Variants in RAD18 observed in about 807,000 individuals in gnomAD.
The protein encoded by RAD18 is RAD18 E3 ubiquitin protein ligase.
Under a neutral mutation model 60.4 loss-of-function variants are expected in RAD18, and 47 were observed. The ratio of observed to expected loss-of-function variants is 0.78; its 90% confidence interval spans 0.62 to 0.99. The LOEUF is 0.99. Among genes scored for constraint, RAD18 ranks in the 50% least tolerant of loss-of-function variants. The pLI is 0.00. For synonymous variants in RAD18, 225 were observed against 195.5 expected (o/e 1.15, Z -1.26); for missense variants, 640 against 593.3 (o/e 1.08, Z -0.82).
intron 7 of RAD18, among the ~76,000 whole-genome samples, chr3:8,916,614 T>TG (rs1354114614): frequency 6.6e-6 from 1 of 152,096 alleles, no homozygotes; most frequent in African/African-American, 2.4e-5. Context: ...CATGAACAGA[T>TG]GGGGCATTTC....
In RAD18 at chr3:8,922,612, T is replaced by A. The variant is rs1000146408; in HGVS notation, c.890-8892A>T. Among the ~76,000 whole-genome samples the A allele has an allele frequency of 2.0e-4, 31 of 152,204 alleles. 1 individual carries two copies. Among genetic ancestry groups the A allele is most frequent in the African/African-American group, 7.5e-4 (31 of 41,460 alleles). On this transcript the variant is annotated intron_variant, in intron 7 of 12. Coordinates refer to ENST00000264926, the MANE Select transcript of RAD18 (RefSeq NM_020165.4). ...GCTTTAGATCTGAGAATGGACAGAC[T>A]GCCTCTTCAAGTGGGTCCCTGAACC... is the stretch of plus-strand genomic sequence containing the variant.
intron 9 of RAD18, among the ~76,000 whole-genome samples, chr3:8,907,201 G>A (rs999723873): frequency 4.6e-5 from 7 of 152,158 alleles, no homozygotes; most frequent in Admixed American, 1.3e-4. Context: ...AAGGCTCATC[G>A]CATTTTTTGC....
intron 4 of RAD18, among the ~76,000 whole-genome samples, chr3:8,943,038 A>G (rs1940780463): frequency 1.3e-5 from 2 of 152,216 alleles, no homozygotes; most frequent in African/African-American, 4.8e-5. Flanking sequence ...ACAAAGCTCA[A>G]ACAGACCTAA....
intron 2 of RAD18, among the ~76,000 whole-genome samples, chr3:8,953,035 G>A (rs1279683304): frequency 3.3e-5 from 5 of 151,922 alleles, no homozygotes; most frequent in East Asian, 3.9e-4. Flanking sequence ...AATGTGTATC[G>A]CTTTCACACC....
At chr3:8,946,162 T>C (rs1255176804) in intron 4 of RAD18, among the ~76,000 whole-genome samples, 1 of 152,192 alleles carries the variant, frequency 6.6e-6, no homozygotes, top group Non-Finnish European at 1.5e-5. Context: ...TATAAAGATG[T>C]ACCATTTTTT....
Position 8,913,693 on chromosome 3 carries a change from T to C in RAD18, c.917A>G (p.Asn306Ser). 1.3e-6 allele frequency: 2 copies of C among 1,579,584 alleles called. No homozygotes were observed. The highest frequency in any genetic ancestry group is 8.6e-7 in the Non-Finnish European group (1 of 1,160,892). Residue 306 changes from asparagine (N) to serine (S), a missense_variant, in exon 8 of 13, where the codon AAT (asparagine) becomes AGT (serine). Coordinates refer to ENST00000264926, the MANE Select transcript of RAD18 (RefSeq NM_020165.4). ...SAAEIVREIE[N>S]IEKTRMRLEA... Reference sequence around the variant, plus strand: ...AAGACGCATCCTAGTCTTCTCTATATTTTCGATTTCTCGAACTATTTCAGC... The same window carrying C: ...AAGACGCATCCTAGTCTTCTCTATACTTTCGATTTCTCGAACTATTTCAGC...
rs771268503 is a variant in RAD18 at position 8,881,406 on chromosome 3, G to A, written c.1439C>T (p.Ala480Val). Residue 480 changes from alanine to valine, a missense_variant, in exon 13 of 13, where the codon GCC becomes GTC. Ala to Val is a moderately conservative substitution (Grantham distance 64, BLOSUM62 0). Transcript: ENST00000264926. Reference protein sequence around the residue: ...ISPRQNRRTRAAESAEIEPRN... With the variant: ...ISPRQNRRTRVAESAEIEPRN... ...TGGTTCAATCTCAGCACTTTCAGCGGCTCTTGTGCGGCGATTCTGTCTTGG... is the reference window on the plus strand; with the variant it reads ...TGGTTCAATCTCAGCACTTTCAGCGACTCTTGTGCGGCGATTCTGTCTTGG... 6.2e-7 allele frequency: 1 copy of A among 1,613,348 alleles called. No individual in the cohort carries two copies. Among genetic ancestry groups the A allele is most frequent in the Non-Finnish European group, 8.5e-7 (1 of 1,179,330 alleles).
At chr3:8,963,276 A>C (rs981472256) in intron 1 of RAD18, 59 bp downstream of exon 1, 28 of 1,518,284 alleles carry the variant, frequency 1.8e-5, no homozygotes, top group Non-Finnish European at 3.6e-6. Context: ...ATCCTCCTCA[A>C]AGGGAGGGAC....
In RAD18 at chr3:8,915,074, G is replaced by A. The variant is rs192515425; in HGVS notation, c.890-1354C>T. 2.9e-3 allele frequency among the ~76,000 whole-genome samples: 432 copies of A among 151,376 alleles called. 1 individual carries two copies. Among genetic ancestry groups the A allele is most frequent in the East Asian group, 0.017 (87 of 5,142 alleles). On this transcript the variant is annotated intron_variant, in intron 7 of 12. Coordinates refer to ENST00000264926, the MANE Select transcript of RAD18 (RefSeq NM_020165.4). The stretch of plus-strand genomic sequence containing the variant: ...TGAGGCAGGAGAATGGCGTGAACCC[G>A]GGAGGCGGAGCTTGCAGTGAACTGA...
At chr3:8,936,308 G>A (rs1269793290) in intron 6 of RAD18, among the ~76,000 whole-genome samples, 1 of 152,188 alleles carries the variant, frequency 6.6e-6, no homozygotes, top group African/African-American at 2.4e-5. Context: ...GTCTCAAAAA[G>A]AGGTCAGACC....
Position 8,941,682 on chromosome 3 carries a change from C to T in RAD18, c.389G>A (p.Ser130Asn), listed in dbSNP as rs1940750224. The T allele has an allele frequency of 1.2e-6, 2 of 1,614,152 alleles. No individual in the cohort carries two copies. Among genetic ancestry groups the T allele is most frequent in the East Asian group, 4.5e-5 (2 of 44,884 alleles). Residue 130 changes from serine to asparagine, a missense_variant, in exon 5 of 13, where the codon AGC becomes AAC. Coordinates refer to ENST00000264926, the MANE Select transcript of RAD18 (RefSeq NM_020165.4). ...VASRQSLKQG[S>N]RLMDNFLIRE... ...GATCAAGAAATTATCCATTAACCTG[C>T]TCCCCTGCTTTAAAGACTGTCTGGA...
intron 12 of RAD18, 193 bp downstream of exon 12, chr3:8,890,196 T>C (rs45525742): frequency 0.015 from 8,352 of 573,526 alleles, 554 homozygotes; most frequent in African/African-American, 0.14. Context: ...TAACTACAGT[T>C]ATTACATAGG....
intron 7 of RAD18, among the ~76,000 whole-genome samples, chr3:8,915,506 G>C (rs1393282477): frequency 6.6e-6 from 1 of 152,002 alleles, no homozygotes; most frequent in Non-Finnish European, 1.5e-5. Context: ...AAAAGACCAA[G>C]GGTGAGCTAC....
At chr3:8,937,127 A>G (rs1940666994) in intron 6 of RAD18, among the ~76,000 whole-genome samples, 1 of 152,222 alleles carries the variant, frequency 6.6e-6, no homozygotes, top group African/African-American at 2.4e-5. Flanking sequence ...ATGACAACCC[A>G]TCTGACTCTA....
At chr3:8,948,632 C>G in intron 2 of RAD18, 62 bp from the exon 3 acceptor site, 1 of 1,389,294 alleles carries the variant, frequency 7.2e-7, no homozygotes, top group African/African-American at 1.4e-5. Context: ...AGGAATATGA[C>G]TTCTAACAAA....
In RAD18 at chr3:8,908,200, T is replaced by C. The variant is rs185349728; in HGVS notation, c.1027+4112A>G. ...CTGAATTGAGGTAGACATAGAGTGA[T>C]TAAAGGAACCCATTTCCAGAGAGCA... On this transcript the variant is annotated intron_variant, in intron 9 of 12. Transcript: ENST00000264926. 1.2e-4 allele frequency among the ~76,000 whole-genome samples: 19 copies of C among 152,166 alleles called. No individual in the cohort carries two copies. The East Asian group carries it at 3.1e-3, about 25-fold the overall frequency.
chr3:8,953,456 A>G (rs1295401622), intron 2 of RAD18, among the ~76,000 whole-genome samples: 2 of 152,290 alleles, frequency 1.3e-5, no homozygotes, highest in East Asian at 3.9e-4. Context: ...TCACTCTACT[A>G]GACTACTACC....
At chr3:8,958,820 A>G in intron 2 of RAD18, 100 bp downstream of exon 2, 1 of 916,536 alleles carries the variant, frequency 1.1e-6, no homozygotes, top group Non-Finnish European at 1.8e-6. Flanking sequence ...GAAGAGCTAA[A>G]GGTGAAACAT....
chr3:8,907,703 T>C (rs941219297), intron 9 of RAD18, among the ~76,000 whole-genome samples: 4 of 152,114 alleles, frequency 2.6e-5, no homozygotes, highest in African/African-American at 9.7e-5. Flanking sequence ...CAGGGAAAGA[T>C]CACCTTCTTC....
Sources: allele counts gnomAD v4.1 joint callset (sites outside exome capture counted in the v4.1 genomes callset), GRCh38; gene constraint gnomAD v4.1.1; transcripts MANE v1.5; gene names NCBI Gene and HGNC (gene_info 2026-07-23, HGNC 2026-07-21).